The following SNW1 variants were observed in gnomAD, a reference collection of about 807,000 sequenced individuals.
The protein encoded by SNW1 is SNW domain-containing protein 1.
Under a neutral mutation model 75.6 loss-of-function variants are expected in SNW1, and 9 were observed. The ratio of observed to expected loss-of-function variants is 0.12; its 90% confidence interval spans 0.07 to 0.21. The LOEUF (loss-of-function observed/expected upper bound fraction) is 0.21, where lower values mean the gene tolerates loss of function less well. Ranked by LOEUF, SNW1 falls within the 10% of genes least tolerant of loss-of-function variation. The pLI is 1.00. For synonymous variants in SNW1, 200 were observed against 219.1 expected (o/e 0.91, Z 0.77); for missense variants, 409 against 670.9 (o/e 0.61, Z 4.31).
At chr14:77,755,142 G>A (rs1206606458) in intron 1 of SNW1, 22 bp from the exon 2 acceptor site, 1 of 1,597,944 alleles carries the variant, frequency 6.3e-7, no homozygotes, top group South Asian at 1.1e-5. Context: ...GATAATAAAA[G>A]TCAGAAATTT....
At chr14:77,755,253 AT>A in intron 1 of SNW1, 133 bp from the exon 2 acceptor site, 1 of 757,964 alleles carries the variant, frequency 1.3e-6, no homozygotes, top group Non-Finnish European at 2.1e-6. Context: ...TTTTTCAATG[AT>A]TTATGGTAGT....
In SNW1 at chr14:77,760,671, A is replaced by G. The variant is rs752126503; in HGVS notation, c.14+443T>C. The G allele has an allele frequency of 1.3e-5, 9 of 702,208 alleles. No individual in the cohort carries two copies. In the South Asian group the frequency reaches 1.3e-4, roughly 10 times the overall value. The allele number at this position is 702,208 out of a possible 1,614,324, so 43.5% of individuals were successfully genotyped here. A position where few individuals can be genotyped will look rare whatever the true frequency, so the allele number is the denominator to read the frequency against. On this transcript the variant is annotated intron_variant, in intron 1 of 13. Transcript: ENST00000261531. ...TTTTCAGGAATCCTTGTTTCGGGAC[A>G]CCCAGTGGACAGCGAAAGGAGAGAG...
chr14:77,751,571 T>C, intron 2 of SNW1, 91 bp from the exon 3 acceptor site: 1 of 992,414 alleles, frequency 1.0e-6, no homozygotes, highest in South Asian at 1.8e-5. Flanking sequence ...GTTGAGTCCT[T>C]AGTATGCTAG....
intron 7 of SNW1, 72 bp downstream of exon 7, chr14:77,735,865 G>T: frequency 9.0e-7 from 1 of 1,105,138 alleles, no homozygotes; most frequent in Non-Finnish European, 1.4e-6. Context: ...ACCTGTATAG[G>T]CATAGGGAGG....
intron 10 of SNW1, among the ~76,000 whole-genome samples, chr14:77,726,474 A>C (rs2139898050): frequency 6.6e-6 from 1 of 152,044 alleles, no homozygotes; most frequent in South Asian, 2.1e-4. Context: ...AATTACTTTC[A>C]TCAGTCTTTT....
At position 77,754,223 on chromosome 14, in the gene SNW1, T is replaced by C. The variant is rs573197953; in HGVS notation, c.168+744A>G. 2.0e-5 allele frequency among the ~76,000 whole-genome samples: 3 copies of C among 151,812 alleles called. No homozygotes were observed. In the South Asian group the frequency reaches 6.3e-4, roughly 32 times the overall value. ...CCACACCTGGCTAATTTTGTATTTT[T>C]AGTAGAGACAGGGTTGCTCCATGTT... On this transcript the variant is annotated intron_variant, in intron 2 of 13. Coordinates refer to ENST00000261531, the MANE Select transcript of SNW1 (RefSeq NM_012245.3).
At chr14:77,737,162 A>G in intron 5 of SNW1, 87 bp from the exon 6 acceptor site, 1 of 945,702 alleles carries the variant, frequency 1.1e-6, no homozygotes, top group Non-Finnish European at 1.7e-6. Context: ...AAGCTAGACT[A>G]CATTTTCAAT....
chr14:77,756,898 A>C (rs1285545046), intron 1 of SNW1, among the ~76,000 whole-genome samples: 1 of 152,150 alleles, frequency 6.6e-6, no homozygotes, highest in East Asian at 1.9e-4. Flanking sequence ...AAACAACAAC[A>C]AAAAAACCCT....
At position 77,755,004 on chromosome 14, in the gene SNW1, T is replaced by C; in HGVS notation, c.131A>G (p.Tyr44Cys). 6.2e-7 allele frequency: 1 copy of C among 1,609,088 alleles called. No individual in the cohort carries two copies. The highest frequency in any genetic ancestry group is 8.5e-7 in the Non-Finnish European group (1 of 1,177,640). ...AGGTATCCAGCCTTTCCGGTATCCGTACGGGGGAGGTTCTCTTCGGGAGGA... is the reference window on the plus strand; with the variant it reads ...AGGTATCCAGCCTTTCCGGTATCCGCACGGGGGAGGTTCTCTTCGGGAGGA... ...LVSSRREPPP[Y>C]GYRKGWIPRL... The change falls in exon 2 of 14, where the codon TAC (tyrosine) becomes TGC (cysteine). Residue 44 changes from tyrosine to cysteine, a missense_variant. Tyr to Cys is a radical substitution (Grantham distance 194). Around this residue, in one of 9 missense-constraint regions of SNW1, gnomAD observed 73 missense variants for 68.3 expected, o/e 1.07. Coordinates refer to ENST00000261531, the MANE Select transcript of SNW1 (RefSeq NM_012245.3).
intron 3 of SNW1, 100 bp downstream of exon 3, chr14:77,751,219 A>T: frequency 8.0e-7 from 1 of 1,247,288 alleles, no homozygotes. Flanking sequence ...AGCCACTGCT[A>T]CTTTTAACAT....
Position 77,735,920 on chromosome 14 carries a change from A to G in SNW1, c.708+17T>C, listed in dbSNP as rs2080667469. ...CCATGAGTAGAAAAAAATATTTTGG[A>G]CTACAGCAAAGAATACCTTTCGGCT... On this transcript the variant is annotated intron_variant, in intron 7 of 13. Coordinates refer to ENST00000261531, the MANE Select transcript of SNW1 (RefSeq NM_012245.3). 6.2e-7 allele frequency: 1 copy of G among 1,606,718 alleles called. No homozygotes were observed. Among genetic ancestry groups the G allele is most frequent in the Non-Finnish European group, 8.5e-7 (1 of 1,174,010 alleles).
At chr14:77,722,809 A>G in intron 11 of SNW1, 1 of 416,504 alleles carries the variant, frequency 2.4e-6, no homozygotes, top group Non-Finnish European at 4.7e-6. Flanking sequence ...AAAGGTACAA[A>G]AAGGCCACTC....
At chr14:77,738,042 C>T (rs1259238642) in intron 5 of SNW1, among the ~76,000 whole-genome samples, 9 of 149,648 alleles carry the variant, frequency 6.0e-5, no homozygotes, top group Middle Eastern at 3.5e-3. Context: ...CAGTGGCTCA[C>T]GCCTATAATC....
rs1282521500 is a variant in SNW1 at position 77,738,974 on chromosome 14, T to C, written c.418A>G (p.Ile140Val). 2.5e-6 allele frequency: 4 copies of C among 1,613,844 alleles called. No homozygotes were observed. The highest frequency in any genetic ancestry group is 3.4e-6 in the Non-Finnish European group (4 of 1,179,786). Reference sequence around the variant, plus strand: ...TATCAATTCCCAGTTACCTCTTTAATAGCTTCTTCATCGGGCCTTTGCAGG... The same window carrying C: ...TATCAATTCCCAGTTACCTCTTTAACAGCTTCTTCATCGGGCCTTTGCAGG... ...PDLQRPDEEAIKEITEKTRVA... is the reference protein window; with the variant it reads ...PDLQRPDEEAVKEITEKTRVA... Residue 140 changes from isoleucine to valine, a missense_variant, in exon 4 of 14, where the codon ATT (isoleucine) becomes GTT (valine). By Grantham distance (29) the Ile-to-Val change is conservative. Coordinates refer to ENST00000261531, the MANE Select transcript of SNW1 (RefSeq NM_012245.3).
chr14:77,723,474 C>T (rs1053598997), intron 10 of SNW1, among the ~76,000 whole-genome samples, 197 bp from the exon 11 acceptor site: 5 of 152,140 alleles, frequency 3.3e-5, no homozygotes, highest in South Asian at 2.1e-4. Context: ...CTCATCCTCC[C>T]GAGTACCTGG....
intron 10 of SNW1, among the ~76,000 whole-genome samples, chr14:77,728,745 C>T (rs2080605894): frequency 6.6e-6 from 1 of 152,148 alleles, no homozygotes; most frequent in Admixed American, 6.5e-5. Flanking sequence ...TTACTTAATA[C>T]TATAAGCCTT....
chr14:77,740,930 C>A (rs2080713341), intron 3 of SNW1, among the ~76,000 whole-genome samples: 1 of 151,666 alleles, frequency 6.6e-6, no homozygotes, highest in Admixed American at 6.6e-5. Flanking sequence ...AACCCCGTCT[C>A]TCCCAAAAAC....
intron 6 of SNW1, 102 bp from the exon 7 acceptor site, chr14:77,736,108 G>C: frequency 4.0e-6 from 3 of 753,800 alleles, no homozygotes; most frequent in Non-Finnish European, 6.7e-6. Flanking sequence ...TTCAAACATA[G>C]ACAAAAACAG....
intron 2 of SNW1, among the ~76,000 whole-genome samples, chr14:77,753,778 CCT>C: frequency 6.6e-6 from 1 of 151,698 alleles, no homozygotes; most frequent in Non-Finnish European, 1.5e-5. Context: ...ATGGTGAAAC[CCT>C]GTCTGTACTA....
Sources: allele counts gnomAD v4.1 joint callset (sites outside exome capture counted in the v4.1 genomes callset), GRCh38; gene constraint gnomAD v4.1.1; regional missense constraint gnomAD v4.1.1; transcripts MANE v1.5; gene names NCBI Gene and HGNC (gene_info 2026-07-23, HGNC 2026-07-21).